ARHGAP15: variants seen among roughly 807,000 people sequenced by gnomAD.
ARHGAP15 encodes the protein rho GTPase-activating protein 15.
ARHGAP15 carries 51 observed loss-of-function variants against 63.7 expected under a neutral mutation model. That is an observed-to-expected ratio of 0.80 (90% CI 0.64 to 1.01). The LOEUF (loss-of-function observed/expected upper bound fraction) is 1.01, where lower values mean the gene tolerates loss of function less well. ARHGAP15 is among the 50% of genes least tolerant of loss of function. The pLI, the probability that ARHGAP15 is intolerant of heterozygous loss-of-function variation, is 0.00. For missense variants in ARHGAP15, 560 were observed against 564.6 expected, an observed-to-expected ratio of 0.99 and a Z score of 0.08; for synonymous variants, 191 against 193.8, an observed-to-expected ratio of 0.99 and a Z score of 0.12.
intron 13 of ARHGAP15, among the ~76,000 whole-genome samples, chr2:143,717,780 T>C (rs965738948): frequency 3.9e-5 from 6 of 151,924 alleles, no homozygotes; most frequent in African/African-American, 1.2e-4. Flanking sequence ...GACGAGACCA[T>C]GCTGCAGTTA....
intron 6 of ARHGAP15, among the ~76,000 whole-genome samples, chr2:143,257,708 C>T (rs1026418548): frequency 2.0e-5 from 3 of 152,204 alleles, no homozygotes; most frequent in Non-Finnish European, 4.4e-5. Flanking sequence ...AACGCACTTT[C>T]TCTGTTTTCC....
intron 6 of ARHGAP15, among the ~76,000 whole-genome samples, chr2:143,300,788 G>A (rs1261239469): frequency 1.3e-5 from 2 of 152,032 alleles, no homozygotes; most frequent in African/African-American, 4.8e-5. Flanking sequence ...GGCAGGCTGG[G>A]AAATGGAGTC....
At chr2:143,514,819 A>G (rs1464548786) in intron 9 of ARHGAP15, among the ~76,000 whole-genome samples, 3 of 152,184 alleles carry the variant, frequency 2.0e-5, no homozygotes. Flanking sequence ...GCAGCTCCCC[A>G]GGGAAGCTCT....
intron 6 of ARHGAP15, among the ~76,000 whole-genome samples, chr2:143,388,372 T>C (rs1340726080): frequency 2.6e-5 from 4 of 152,142 alleles, no homozygotes; most frequent in African/African-American, 9.7e-5. Context: ...ATCTTAAAAA[T>C]CCAGAAGGAT....
Position 143,316,930 on chromosome 2 carries a change from A to C in ARHGAP15, c.474+66330A>C, listed in dbSNP as rs548331747. Among the ~76,000 whole-genome samples the C allele has an allele frequency of 7.9e-5, 12 of 152,236 alleles. No individual in the cohort carries two copies. The South Asian group carries it at 2.5e-3, about 32-fold the overall frequency. The stretch of plus-strand genomic sequence containing the variant: ...ACTTTAGGCTTATTGTTCCCATTCA[A>C]AATTGAACTTACGTAGTTATAGTTT... On this transcript the variant is annotated intron_variant, in intron 6 of 13. Coordinates refer to ENST00000295095, the MANE Select transcript of ARHGAP15 (RefSeq NM_018460.4).
intron 4 of ARHGAP15, among the ~76,000 whole-genome samples, chr2:143,222,255 A>G (rs1266878691): frequency 7.9e-5 from 12 of 152,240 alleles, no homozygotes; most frequent in Admixed American, 7.8e-4. Context: ...TCAATCAGGG[A>G]CATTAGAATA....
intron 5 of ARHGAP15, among the ~76,000 whole-genome samples, chr2:143,229,786 G>T (rs1251290427): frequency 6.6e-6 from 1 of 152,152 alleles, no homozygotes; most frequent in Non-Finnish European, 1.5e-5. Context: ...TCATTTGCTA[G>T]GAGATTTTTC....
intron 12 of ARHGAP15, among the ~76,000 whole-genome samples, chr2:143,701,768 A>T (rs1041784301): frequency 1.3e-5 from 2 of 151,854 alleles, no homozygotes; most frequent in African/African-American, 4.8e-5. Context: ...ACAGTGCAGG[A>T]CTAGTATGAC....
chr2:143,717,998 C>T (rs1401585361), intron 13 of ARHGAP15, among the ~76,000 whole-genome samples: 2 of 152,046 alleles, frequency 1.3e-5, no homozygotes, highest in Non-Finnish European at 1.5e-5. Flanking sequence ...AGTCCGGCAG[C>T]AGTACCCAGA....
At chr2:143,136,039 A>G (rs1229431046) in intron 1 of ARHGAP15, among the ~76,000 whole-genome samples, 2 of 152,040 alleles carry the variant, frequency 1.3e-5, no homozygotes, top group Non-Finnish European at 2.9e-5. Flanking sequence ...AAATCTCCTA[A>G]TTACTGCCCA....
chr2:143,279,211 T>C (rs1681721371), intron 6 of ARHGAP15, among the ~76,000 whole-genome samples: 1 of 152,152 alleles, frequency 6.6e-6, no homozygotes, highest in African/African-American at 2.4e-5. Flanking sequence ...TGTCCACACT[T>C]CTAGAATTTT....
intron 13 of ARHGAP15, among the ~76,000 whole-genome samples, chr2:143,722,121 T>C (rs958894842): frequency 2.6e-5 from 4 of 152,146 alleles, no homozygotes; most frequent in African/African-American, 9.7e-5. Flanking sequence ...CTAATTTCTA[T>C]GTATTTTGTG....
intron 11 of ARHGAP15, among the ~76,000 whole-genome samples, chr2:143,605,996 A>G (rs1386455356): frequency 1.6e-5 from 2 of 128,940 alleles, no homozygotes; most frequent in African/African-American, 2.9e-5. Flanking sequence ...AGATGGTGCC[A>G]CTGCACTCCA....
At chr2:143,719,401 C>A (rs1313185408) in intron 13 of ARHGAP15, among the ~76,000 whole-genome samples, 1 of 152,168 alleles carries the variant, frequency 6.6e-6, no homozygotes, top group African/African-American at 2.4e-5. Context: ...GATATGTTAT[C>A]TAAATCAGAA....
intron 3 of ARHGAP15, among the ~76,000 whole-genome samples, chr2:143,202,699 G>A (rs894851630): frequency 6.6e-6 from 1 of 152,012 alleles, no homozygotes; most frequent in African/African-American, 2.4e-5. Context: ...AAGGGGAGAG[G>A]ATTACATAAG....
At chr2:143,272,360 G>A (rs1183669981) in intron 6 of ARHGAP15, among the ~76,000 whole-genome samples, 1 of 152,172 alleles carries the variant, frequency 6.6e-6, no homozygotes, top group Non-Finnish European at 1.5e-5. Flanking sequence ...GCCAGGCACA[G>A]TGGCTCACTC....
chr2:143,147,387 T>C (rs1689633497), intron 1 of ARHGAP15, among the ~76,000 whole-genome samples: 1 of 152,060 alleles, frequency 6.6e-6, no homozygotes, highest in Non-Finnish European at 1.5e-5. Context: ...CAGCATTTCT[T>C]GCTAGATTAG....
intron 11 of ARHGAP15, 49 bp downstream of exon 11, chr2:143,556,534 C>A: frequency 1.4e-6 from 2 of 1,382,294 alleles, no homozygotes; most frequent in South Asian, 1.2e-5. Context: ...TCATATGGAA[C>A]AATATTTCAT....
intron 6 of ARHGAP15, among the ~76,000 whole-genome samples, chr2:143,252,812 G>A (rs116694034): frequency 0.016 from 2,508 of 152,012 alleles, 36 homozygotes; most frequent in Non-Finnish European, 0.026. Flanking sequence ...AAAAAGCGTC[G>A]GGAAGGATTT....
Sources: gnomAD v4.1 joint callset for allele counts (sites outside exome capture counted in the v4.1 genomes callset) on GRCh38, gnomAD v4.1.1 for gene constraint, MANE v1.5 for transcripts, NCBI Gene and HGNC (gene_info 2026-07-23, HGNC 2026-07-21) for gene names.